Variants in MAML2 observed in about 807,000 individuals in gnomAD.
The protein encoded by MAML2 is mastermind like transcriptional coactivator 2.
A neutral mutation model predicts 96.1 loss-of-function variants in MAML2; 22 were observed. That is an observed-to-expected ratio of 0.23 (90% CI 0.16 to 0.33). The LOEUF is 0.33. MAML2 is among the 10% of genes least tolerant of loss of function. The pLI is 1.00. For missense variants in MAML2, 1,367 were observed against 1,392.4 expected (o/e 0.98, Z 0.29); for synonymous variants, 561 against 521.3 (o/e 1.08, Z -1.04).
At chr11:96,145,640 T>C (rs1422253078) in intron 1 of MAML2, among the ~76,000 whole-genome samples, 1 of 152,218 alleles carries the variant, frequency 6.6e-6, no homozygotes, top group Non-Finnish European at 1.5e-5. Context: ...TGTGTTAAAA[T>C]AAATCCTCTA....
chr11:96,293,056 A>G (rs1863237654), intron 1 of MAML2, among the ~76,000 whole-genome samples: 1 of 152,250 alleles, frequency 6.6e-6, no homozygotes, highest in African/African-American at 2.4e-5. Context: ...CACATAGACT[A>G]TGCTTGAAAA....
At chr11:96,125,076 G>C (rs542536710) in intron 1 of MAML2, among the ~76,000 whole-genome samples, 1 of 152,142 alleles carries the variant, frequency 6.6e-6, no homozygotes, top group Non-Finnish European at 1.5e-5. Context: ...ATCTGCTTGT[G>C]GCCATTAAGC....
intron 1 of MAML2, among the ~76,000 whole-genome samples, chr11:96,270,455 G>A (rs946993965): frequency 4.6e-5 from 7 of 152,026 alleles, no homozygotes; most frequent in Admixed American, 2.6e-4. Context: ...GATTACAGAC[G>A]GGTGCCACCA....
chr11:96,248,208 G>A (rs1862536479), intron 1 of MAML2, among the ~76,000 whole-genome samples: 1 of 150,832 alleles, frequency 6.6e-6, no homozygotes. Flanking sequence ...CATCTCCTAG[G>A]TTCAAGCGAT....
At chr11:96,225,256 CT>C (rs1403789979) in intron 1 of MAML2, among the ~76,000 whole-genome samples, 18 of 152,308 alleles carry the variant, frequency 1.2e-4, no homozygotes, top group Admixed American at 7.8e-4. Flanking sequence ...TGCTTTCTCT[CT>C]TTGATCACTT....
At chr11:96,175,455 T>TA (rs1027628728) in intron 1 of MAML2, among the ~76,000 whole-genome samples, 4 of 152,340 alleles carry the variant, frequency 2.6e-5, no homozygotes, top group African/African-American at 9.6e-5. Context: ...TCATACAGTC[T>TA]AAAAAATCAG....
chr11:96,175,483 C>T (rs1861372024), intron 1 of MAML2, among the ~76,000 whole-genome samples: 1 of 152,204 alleles, frequency 6.6e-6, no homozygotes, highest in Admixed American at 6.5e-5. Context: ...GGGTTTACCA[C>T]CATCTTTCTC....
At chr11:96,169,257 G>A (rs930752977) in intron 1 of MAML2, among the ~76,000 whole-genome samples, 2 of 152,208 alleles carry the variant, frequency 1.3e-5, no homozygotes, top group African/African-American at 4.8e-5. Context: ...ATTTTTTAAA[G>A]TGAAGAGAGA....
At chr11:96,067,766 T>G (rs530427226) in intron 2 of MAML2, among the ~76,000 whole-genome samples, 1 of 152,336 alleles carries the variant, frequency 6.6e-6, no homozygotes, top group East Asian at 1.9e-4. Context: ...TATCCGTGAC[T>G]GCCTCTCTTG....
chr11:96,325,395 C>T (rs1320832448), intron 1 of MAML2, among the ~76,000 whole-genome samples: 1 of 152,126 alleles, frequency 6.6e-6, no homozygotes, highest in Non-Finnish European at 1.5e-5. Flanking sequence ...AATGAAATAA[C>T]ACACTCCATA....
intron 1 of MAML2, among the ~76,000 whole-genome samples, chr11:96,192,848 T>C (rs2135922941): frequency 6.6e-6 from 1 of 152,272 alleles, no homozygotes. Context: ...CCGTGAATCA[T>C]GGAGATTTAC....
At chr11:96,034,091 G>C (rs900466525) in intron 2 of MAML2, among the ~76,000 whole-genome samples, 14 of 152,098 alleles carry the variant, frequency 9.2e-5, no homozygotes, top group African/African-American at 3.4e-4. Flanking sequence ...TATAGCTCTT[G>C]TTACTAAACT....
At chr11:96,243,043 C>CACACACACATACACAT (rs1254439708) in intron 1 of MAML2, among the ~76,000 whole-genome samples, 7 of 150,764 alleles carry the variant, frequency 4.6e-5, no homozygotes, top group Non-Finnish European at 1.0e-4. Context: ...GGGACACACA[C>CACACACACATACACAT]ACACACACAT....
At chr11:96,106,314 G>C (rs1860020210) in intron 1 of MAML2, among the ~76,000 whole-genome samples, 1 of 152,188 alleles carries the variant, frequency 6.6e-6, no homozygotes, top group African/African-American at 2.4e-5. Flanking sequence ...TGAATCAATG[G>C]TAATTCTCTT....
intron 1 of MAML2, among the ~76,000 whole-genome samples, chr11:96,167,854 C>T (rs1214064759): frequency 1.3e-5 from 2 of 152,190 alleles, no homozygotes; most frequent in South Asian, 2.1e-4. Flanking sequence ...TTTCTTGACA[C>T]CGTTGGCAGT....
chr11:96,261,708 G>A (rs1862753232), intron 1 of MAML2, among the ~76,000 whole-genome samples: 1 of 152,154 alleles, frequency 6.6e-6, no homozygotes, highest in Non-Finnish European at 1.5e-5. Flanking sequence ...ATGATATTGT[G>A]CAAATTACTT....
intron 1 of MAML2, among the ~76,000 whole-genome samples, chr11:96,328,788 GA>G (rs1405896547): frequency 3.3e-5 from 5 of 152,146 alleles, no homozygotes; most frequent in African/African-American, 1.2e-4. Flanking sequence ...CTGCCCTTGG[GA>G]AATAGGTGAT....
In MAML2 at chr11:96,111,157, T is replaced by C. The variant is rs116498449; in HGVS notation, c.514-17640A>G. On this transcript the variant is annotated intron_variant, in intron 1 of 4. Coordinates refer to ENST00000524717, the MANE Select transcript of MAML2 (RefSeq NM_032427.4). ...CCATTCTCCACTATCTGTGCTCACATAGTAAGCACACATCATTTTATTTCT... is the reference window on the plus strand; with the variant it reads ...CCATTCTCCACTATCTGTGCTCACACAGTAAGCACACATCATTTTATTTCT... 3.6e-3 allele frequency among the ~76,000 whole-genome samples: 552 copies of C among 152,358 alleles called. 2 individuals carry two copies. Among genetic ancestry groups the C allele is most frequent in the African/African-American group, 0.013 (520 of 41,588 alleles).
rs775287945 is a variant in MAML2, at chr11:96,173,922, T to C, written c.514-80405A>G. Among the ~76,000 whole-genome samples, 7 of 152,214 alleles carry C rather than the reference T, an allele frequency of 4.6e-5. 1 individual carries two copies. The highest frequency in any genetic ancestry group is 8.8e-5 in the Non-Finnish European group (6 of 68,042). On this transcript the variant is annotated intron_variant, in intron 1 of 4. Coordinates refer to ENST00000524717, the MANE Select transcript of MAML2 (RefSeq NM_032427.4). ...AAGTATGGCCATTTTGTCACCTGTT[T>C]CTCTTCAGGACAAGGGGACAGCAGG...
Sources: allele counts gnomAD v4.1 joint callset (sites outside exome capture counted in the v4.1 genomes callset), GRCh38; gene constraint gnomAD v4.1.1; transcripts MANE v1.5; gene names NCBI Gene and HGNC (gene_info 2026-07-23, HGNC 2026-07-21).